The following PPP1R12C variants were observed in gnomAD, a reference collection of about 807,000 sequenced individuals.
The protein encoded by PPP1R12C is protein phosphatase 1 regulatory subunit 12C, also known as leukocyte receptor cluster (LRC) encoded novel gene 3.
A neutral mutation model predicts 95.6 loss-of-function variants in PPP1R12C; 48 were observed. The ratio of observed to expected loss-of-function variants is 0.50; its 90% CI spans 0.40 to 0.64. PPP1R12C has a LOEUF of 0.64. Among genes scored for constraint, PPP1R12C ranks in the 30% least tolerant of loss-of-function variants. The probability of loss-of-function intolerance (pLI) is 0.00; values close to 1 mark genes in which losing one functional copy is unlikely to be tolerated. For synonymous variants in PPP1R12C, 480 were observed against 460.8 expected (o/e 1.04, Z -0.53); for missense variants, 1,057 against 1,083.3 (o/e 0.98, Z 0.34).
At chr19:55,108,713 G>GT (rs1175163185) in intron 3 of PPP1R12C, among the ~76,000 whole-genome samples, 3 of 152,112 alleles carry the variant, frequency 2.0e-5, no homozygotes, top group African/African-American at 7.2e-5. Flanking sequence ...GTCTTGTTTT[G>GT]TTTTTTGTTT....
At chr19:55,105,060 G>C (rs7253188) in intron 3 of PPP1R12C, among the ~76,000 whole-genome samples, 1 of 147,532 alleles carries the variant, frequency 6.8e-6, no homozygotes, top group Non-Finnish European at 1.5e-5. Flanking sequence ...AGGAGCCACC[G>C]CATCTGACCC....
chr19:55,106,778 G>C (rs1017467601), intron 3 of PPP1R12C, among the ~76,000 whole-genome samples: 18 of 152,252 alleles, frequency 1.2e-4, no homozygotes, highest in African/African-American at 4.1e-4. Context: ...TGCCCCATAT[G>C]GTTTCAATGT....
At chr19:55,092,396 C>T (rs775266034) in intron 18 of PPP1R12C, 46 bp downstream of exon 18, 13 of 1,576,190 alleles carry the variant, frequency 8.2e-6, no homozygotes, top group Non-Finnish European at 1.1e-5. Context: ...AGCCAGGAAG[C>T]TGGGCACCCA....
intron 4 of PPP1R12C, among the ~76,000 whole-genome samples, chr19:55,102,559 A>T (rs2084990418): frequency 1.3e-5 from 2 of 152,342 alleles, no homozygotes; most frequent in South Asian, 4.1e-4. Context: ...ATCTAGTCTT[A>T]AAATATATAC....
At chr19:55,104,969 A>C (rs2085021758) in intron 3 of PPP1R12C, among the ~76,000 whole-genome samples, 1 of 151,700 alleles carries the variant, frequency 6.6e-6, no homozygotes, top group Non-Finnish European at 1.5e-5. Context: ...ATGGGGTTTC[A>C]TCATGTTGGC....
At chr19:55,091,789 C>A in intron 20 of PPP1R12C, 70 bp downstream of exon 20, 1 of 1,611,982 alleles carries the variant, frequency 6.2e-7, no homozygotes. Context: ...CAATGTGGCT[C>A]CCTTGGTCCA....
In PPP1R12C at chr19:55,117,489, G is replaced by A; in HGVS notation, c.55C>T (p.Arg19Trp). 1 of 1,023,262 alleles carries A rather than the reference G, an allele frequency of 9.8e-7. No individual in the cohort carries two copies. The highest frequency in any genetic ancestry group is 1.2e-6 in the Non-Finnish European group (1 of 856,090). 63.4% of individuals were successfully genotyped at this position (1,023,262 alleles called of 1,614,324 possible). A position where few individuals can be genotyped will look rare whatever the true frequency, so the allele number is the denominator to read the frequency against. The change falls in exon 1 of 22, where the codon CGG (arginine) becomes TGG (tryptophan). Residue 19 changes from arginine (R) to tryptophan (W), a missense_variant. By Grantham distance (101) the Arg-to-Trp change is moderately radical. Coordinates refer to ENST00000263433, the MANE Select transcript of PPP1R12C (RefSeq NM_017607.4). ...AGPGAAAAAARERRREQLRQW... is the reference protein window; with the variant it reads ...AGPGAAAAAAWERRREQLRQW... The stretch of plus-strand genomic sequence containing the variant: ...CGCAGCTGCTCCCGTCGCCGCTCCC[G>A]GGCAGCCGCCGCCGCCGCCCCCGGG...
rs765030172 is a variant in PPP1R12C at position 55,093,155 on chromosome 19, G to C, written c.1762C>G (p.Leu588Val). The change falls in exon 14 of 22, where the codon CTG (leucine) becomes GTG (valine). Residue 588 changes from leucine (L) to valine (V), a missense_variant and splice_region_variant. Physicochemically the swap from Leu to Val is conservative, Grantham distance 32. Coordinates refer to ENST00000263433, the MANE Select transcript of PPP1R12C (RefSeq NM_017607.4). ...APESEKPAQSLDPSRRPRVPG... is the reference protein window; with the variant it reads ...APESEKPAQSVDPSRRPRVPG... ...TCGCCCTCGCTGACCCCTCTCACCA[G>C]GCTCTGCGCCGGCTTCTCTGACTCT... 1 of 1,613,722 alleles carries C rather than the reference G, an allele frequency of 6.2e-7. No individual in the cohort carries two copies. Among genetic ancestry groups the C allele is most frequent in the South Asian group, 1.1e-5 (1 of 91,084 alleles).
chr19:55,095,100 G>T, intron 11 of PPP1R12C, 191 bp downstream of exon 11: 1 of 732,336 alleles, frequency 1.4e-6, no homozygotes. Flanking sequence ...GGGGAAGATA[G>T]GGGAGAAGGT....
rs750296515 is a variant in PPP1R12C, at chr19:55,112,473, G to A, written c.565C>T (p.Arg189Cys). The change falls in exon 3 of 22, where the codon CGC becomes TGC. Residue 189 changes from arginine to cysteine, a missense_variant. Coordinates refer to ENST00000263433, the MANE Select transcript of PPP1R12C (RefSeq NM_017607.4). ...MEGLLKAEIA[R>C]RGVDVEAAKR... is the part of the protein sequence containing the mutation. ...ACAGCACACCAGAGCCCACCTCGGC[G>A]GGCGATCTCCGCCTTCAGCAGCCCC... 38 of 1,610,712 alleles carry A rather than the reference G, an allele frequency of 2.4e-5. No individual in the cohort carries two copies. Among genetic ancestry groups the A allele is most frequent in the Admixed American group, 1.2e-4 (7 of 59,952 alleles).
At chr19:55,113,466 G>A in intron 1 of PPP1R12C, 1 of 1,480,978 alleles carries the variant, frequency 6.8e-7, no homozygotes, top group Non-Finnish European at 8.9e-7. Flanking sequence ...GCAGCCAGGG[G>A]CTGACACGGG....
intron 1 of PPP1R12C, among the ~76,000 whole-genome samples, chr19:55,115,689 G>A (rs943123969): frequency 6.6e-6 from 1 of 152,228 alleles, no homozygotes; most frequent in Non-Finnish European, 1.5e-5. Context: ...GGAGGTGGGG[G>A]TTAGACCCAA....
intron 1 of PPP1R12C, 139 bp downstream of exon 1, chr19:55,117,084 G>C (rs1247882691): frequency 6.0e-6 from 4 of 668,982 alleles, no homozygotes; most frequent in Admixed American, 4.8e-5. Flanking sequence ...ACTGGGACGG[G>C]GTGTCAGCAT....
Position 55,092,743 on chromosome 19 carries a change from C to T in PPP1R12C, c.1911+40G>A, listed in dbSNP as rs1388282965. ...GGAAGGGCTTTGCCCGCCCCCCGGC[C>T]CACCCTCTGCACCAGCTCGGCCCCA... On this transcript the variant is annotated intron_variant, in intron 16 of 21. Transcript: ENST00000263433. 2.6e-6 allele frequency: 4 copies of T among 1,539,078 alleles called. No individual in the cohort carries two copies. In the South Asian group the frequency reaches 4.8e-5, roughly 19 times the overall value.
At chr19:55,091,739 T>C in intron 20 of PPP1R12C, 39 bp from the exon 21 acceptor site, 1 of 1,613,260 alleles carries the variant, frequency 6.2e-7, no homozygotes, top group East Asian at 2.2e-5. Context: ...TGAGTGAGGC[T>C]GAGGAGGGCA....
rs572001448 is a variant in PPP1R12C at position 55,112,672 on chromosome 19, T to C, written c.445A>G (p.Ile149Val). The C allele has an allele frequency of 7.4e-6, 12 of 1,613,618 alleles. No homozygotes were observed. The highest frequency in any genetic ancestry group is 1.0e-5 in the Non-Finnish European group (12 of 1,179,884). Residue 149 changes from isoleucine (I) to valine (V), a missense_variant, in exon 2 of 22, where the codon ATC becomes GTC. Physicochemically the swap from Ile to Val is conservative, Grantham distance 29. This residue lies in a region of PPP1R12C where 282 missense variants were observed against 380.4 expected (regional missense o/e 0.74). Transcript: ENST00000263433. Reference sequence around the variant, plus strand: ...GGCCCTCCCTTGCCTCACCTGGCGATATCTAGGTAGCCACAGGAGGCGGCC... The same window carrying C: ...GGCCCTCCCTTGCCTCACCTGGCGACATCTAGGTAGCCACAGGAGGCGGCC... Reference protein sequence around the residue: ...HVAASCGYLDIARYLLSHGAN... With the variant: ...HVAASCGYLDVARYLLSHGAN...
intron 20 of PPP1R12C, 65 bp downstream of exon 20, chr19:55,091,794 G>A: frequency 3.3e-5 from 53 of 1,610,878 alleles, no homozygotes; most frequent in Non-Finnish European, 4.2e-5. Flanking sequence ...TGGCTCCCTT[G>A]GTCCAAACTT....
At chr19:55,095,145 C>T in intron 11 of PPP1R12C, 146 bp downstream of exon 11, 3 of 932,812 alleles carry the variant, frequency 3.2e-6, no homozygotes, top group Non-Finnish European at 3.3e-6. Flanking sequence ...AGGGAGAGAG[C>T]CCCCAAGAGG....
chr19:55,091,762 G>C (rs896353267), intron 20 of PPP1R12C, 62 bp from the exon 21 acceptor site: 2 of 1,612,374 alleles, frequency 1.2e-6, no homozygotes, highest in Non-Finnish European at 1.7e-6. Flanking sequence ...GGAAGGCCAG[G>C]GGCCAGCTGG....
Sources: allele counts gnomAD v4.1 joint callset (sites outside exome capture counted in the v4.1 genomes callset), GRCh38; gene constraint gnomAD v4.1.1; regional missense constraint gnomAD v4.1.1; transcripts MANE v1.5; gene names NCBI Gene and HGNC (gene_info 2026-07-23, HGNC 2026-07-21).